Variants in ADAP2 observed in about 807,000 individuals in gnomAD.
ADAP2 encodes the protein arf-GAP with dual PH domain-containing protein 2.
Under a neutral mutation model 54.9 loss-of-function variants are expected in ADAP2, and 42 were observed. The ratio of observed to expected loss-of-function variants is 0.77; its 90% CI spans 0.60 to 0.99. ADAP2 has a LOEUF of 0.99. Ranked by LOEUF, ADAP2 falls within the 50% of genes least tolerant of loss-of-function variation. The pLI, the probability that ADAP2 is intolerant of heterozygous loss-of-function variation, is 0.00. For missense variants in ADAP2, 429 were observed against 480.4 expected (o/e 0.89, Z 1.00); for synonymous variants, 177 against 180.1 (o/e 0.98, Z 0.14).
chr17:30,948,998 G>A (rs1465141559), intron 6 of ADAP2, among the ~76,000 whole-genome samples: 1 of 152,178 alleles, frequency 6.6e-6, no homozygotes, highest in Admixed American at 6.5e-5. Context: ...CGCATTAGAA[G>A]GTGAAAAGCA....
chr17:30,932,696 G>C (rs1031689848), intron 4 of ADAP2, among the ~76,000 whole-genome samples: 12 of 151,222 alleles, frequency 7.9e-5, no homozygotes, highest in Non-Finnish European at 1.8e-4. Context: ...TCCTGCCTCA[G>C]CCTCCTGAGT....
intron 6 of ADAP2, among the ~76,000 whole-genome samples, chr17:30,946,498 GGT>G (rs1362736715): frequency 7.9e-5 from 12 of 152,112 alleles, no homozygotes; most frequent in African/African-American, 2.9e-4. Context: ...GGATTACAGG[GGT>G]GAGCTACTGC....
chr17:30,953,785 C>T (rs1904858145), intron 8 of ADAP2, among the ~76,000 whole-genome samples: 1 of 152,126 alleles, frequency 6.6e-6, no homozygotes, highest in African/African-American at 2.4e-5. Context: ...GATCTGCCCA[C>T]CTCAGCCTCC....
chr17:30,944,844 G>A, intron 5 of ADAP2, 63 bp from the exon 6 acceptor site: 2 of 1,530,034 alleles, frequency 1.3e-6, no homozygotes, highest in African/African-American at 1.4e-5. Context: ...AGGCCTTGGT[G>A]AAGGTTGACC....
chr17:30,959,028 G>C lies in ADAP2; in HGVS notation c.*1159G>C, dbSNP rs2069291588. On this transcript the variant is annotated 3_prime_UTR_variant, in exon 11 of 11. Transcript: ENST00000330889. ...AGGTGAGTCCTCTCTATCTCCTCTG[G>C]CTCTGGAAGCACCTTGAAAATGTGC... The C allele has an allele frequency of 6.6e-6, 1 of 152,082 alleles. No homozygotes were observed. Among genetic ancestry groups the C allele is most frequent in the Non-Finnish European group, 1.5e-5 (1 of 68,024 alleles). 9.4% of individuals were successfully genotyped at this position (152,082 alleles called of 1,614,324 possible). A position where few individuals can be genotyped will look rare whatever the true frequency, so the allele number is the denominator to read the frequency against.
chr17:30,953,595 G>A (rs1904841410), intron 8 of ADAP2, among the ~76,000 whole-genome samples: 1 of 152,088 alleles, frequency 6.6e-6, no homozygotes, highest in Non-Finnish European at 1.5e-5. Context: ...AGAGTACAGT[G>A]GTGTGATCTC....
At chr17:30,945,736 G>T (rs553323191) in intron 6 of ADAP2, among the ~76,000 whole-genome samples, 1 of 151,030 alleles carries the variant, frequency 6.6e-6, no homozygotes, top group South Asian at 2.1e-4. Flanking sequence ...AAGCCTGGGT[G>T]ACAGAGCAGG....
chr17:30,943,649 A>G (rs1236963773), intron 5 of ADAP2, among the ~76,000 whole-genome samples: 3 of 149,594 alleles, frequency 2.0e-5, no homozygotes, highest in African/African-American at 7.4e-5. Context: ...GAGTTCAAGA[A>G]CAGCCTGACC....
chr17:30,951,520 A>G (rs543299342), intron 7 of ADAP2, among the ~76,000 whole-genome samples: 1 of 152,076 alleles, frequency 6.6e-6, no homozygotes, highest in East Asian at 1.9e-4. Flanking sequence ...TTTTTTATAG[A>G]GATGATGTCT....
chr17:30,945,625 A>G (rs1465612033), intron 6 of ADAP2, among the ~76,000 whole-genome samples: 1 of 151,958 alleles, frequency 6.6e-6, no homozygotes, highest in Admixed American at 6.6e-5. Flanking sequence ...GCATGGTGGC[A>G]TGCACCTGTA....
intron 5 of ADAP2, among the ~76,000 whole-genome samples, chr17:30,939,128 T>C (rs911102728): frequency 2.0e-5 from 3 of 152,134 alleles, no homozygotes; most frequent in African/African-American, 7.2e-5. Context: ...TTCAACATTT[T>C]TGCTGAAATG....
intron 6 of ADAP2, among the ~76,000 whole-genome samples, chr17:30,946,929 C>A (rs1912723515): frequency 6.6e-6 from 1 of 152,184 alleles, no homozygotes; most frequent in African/African-American, 2.4e-5. Context: ...GCCCCCTCTC[C>A]ATGCCAATCA....
intron 6 of ADAP2, among the ~76,000 whole-genome samples, chr17:30,945,783 C>T (rs1598047934): frequency 6.8e-6 from 1 of 146,666 alleles, no homozygotes; most frequent in Admixed American, 6.9e-5. Flanking sequence ...CAAAACAAAC[C>T]AGAAAGAAAG....
intron 3 of ADAP2, among the ~76,000 whole-genome samples, chr17:30,928,841 G>T (rs546328327): frequency 2.0e-4 from 31 of 152,174 alleles, no homozygotes; most frequent in Non-Finnish European, 4.0e-4. Context: ...CTCCTTCCCA[G>T]GGACTTAGAC....
At chr17:30,930,802 T>C (rs1371408171) in intron 3 of ADAP2, among the ~76,000 whole-genome samples, 1 of 152,150 alleles carries the variant, frequency 6.6e-6, no homozygotes, top group African/African-American at 2.4e-5. Flanking sequence ...ACAATTAAAA[T>C]AACTCCACTC....
At chr17:30,951,316 G>GAGC (rs1314180691) in intron 7 of ADAP2, among the ~76,000 whole-genome samples, 7 of 152,084 alleles carry the variant, frequency 4.6e-5, no homozygotes, top group South Asian at 4.1e-4. Flanking sequence ...CCAGCCATGT[G>GAGC]ACTTTCCTTT....
chr17:30,935,001 C>G (rs185913481), intron 5 of ADAP2, among the ~76,000 whole-genome samples: 1 of 151,666 alleles, frequency 6.6e-6, no homozygotes, highest in Non-Finnish European at 1.5e-5. Context: ...TGCATTGAGC[C>G]GAGATTGTGC....
At chr17:30,939,191 C>T (rs1304870076) in intron 5 of ADAP2, among the ~76,000 whole-genome samples, 1 of 152,094 alleles carries the variant, frequency 6.6e-6, no homozygotes, top group African/African-American at 2.4e-5. Context: ...GGTCACCAAA[C>T]CCCAGCAGCT....
intron 9 of ADAP2, 93 bp downstream of exon 9, chr17:30,954,648 T>C: frequency 9.2e-7 from 1 of 1,091,080 alleles, no homozygotes; most frequent in Non-Finnish European, 1.4e-6. Context: ...GATAAACACA[T>C]CTCCCAGAGC....
Sources: allele counts gnomAD v4.1 joint callset (sites outside exome capture counted in the v4.1 genomes callset), GRCh38; gene constraint gnomAD v4.1.1; transcripts MANE v1.5; gene names NCBI Gene and HGNC (gene_info 2026-07-23, HGNC 2026-07-21).